Variants in CRADD observed in about 807,000 individuals in gnomAD.
CRADD encodes the protein death domain-containing protein CRADD.
Under a neutral mutation model 15.5 loss-of-function variants are expected in CRADD, and 9 were observed. That is an observed-to-expected ratio of 0.58 (90% CI 0.35 to 1.01). CRADD has a LOEUF of 1.01. Ranked by LOEUF, CRADD falls within the 50% of genes least tolerant of loss-of-function variation. The probability of loss-of-function intolerance (pLI) is 0.02; values close to 1 mark genes in which losing one functional copy is unlikely to be tolerated. For missense variants in CRADD, 227 were observed against 250.3 expected, an observed-to-expected ratio of 0.91 and a Z score of 0.63; for synonymous variants, 118 against 107.6, an observed-to-expected ratio of 1.10 and a Z score of -0.60.
At chr12:93,727,688 AGT>A (rs1417895455) in intron 2 of CRADD, among the ~76,000 whole-genome samples, 1 of 152,192 alleles carries the variant, frequency 6.6e-6, no homozygotes, top group Non-Finnish European at 1.5e-5. Flanking sequence ...GGTGACCCAC[AGT>A]GCTCAGTGCC....
chr12:93,678,412 T>C (rs1290002742), intron 1 of CRADD, among the ~76,000 whole-genome samples: 2 of 152,206 alleles, frequency 1.3e-5, no homozygotes. Context: ...TCCAGCGTGT[T>C]AAAATTAGTG....
chr12:93,758,967 G>T (rs1956920491), intron 2 of CRADD, among the ~76,000 whole-genome samples: 1 of 152,114 alleles, frequency 6.6e-6, no homozygotes, highest in Admixed American at 6.5e-5. Context: ...TGCTTTTGTG[G>T]TATTTTGTCT....
chr12:93,838,220 T>TTG (rs1476083050), intron 2 of CRADD, among the ~76,000 whole-genome samples: 1 of 150,752 alleles, frequency 6.6e-6, no homozygotes, highest in Non-Finnish European at 1.5e-5. Context: ...TGAGGTTTTT[T>TTG]TTTTTTTTTT....
chr12:93,709,027 A>G (rs1397474079), intron 2 of CRADD: 1 of 152,222 alleles, frequency 6.6e-6, no homozygotes, highest in Non-Finnish European at 1.5e-5. Flanking sequence ...TTGTTCATGA[A>G]GGCTCTGCCA....
At chr12:93,770,126 C>T (rs1402489588) in intron 2 of CRADD, among the ~76,000 whole-genome samples, 2 of 137,432 alleles carry the variant, frequency 1.5e-5, no homozygotes, top group Non-Finnish European at 3.1e-5. Context: ...GACGGAGTCT[C>T]GCTCTGTGGC....
intron 2 of CRADD, among the ~76,000 whole-genome samples, chr12:93,893,765 G>A (rs1396397281): frequency 6.6e-6 from 1 of 152,054 alleles, no homozygotes; most frequent in South Asian, 2.1e-4. Context: ...AATTAGCCAG[G>A]CGCGGTAGCA....
chr12:93,789,096 C>T (rs1221535585), intron 2 of CRADD, among the ~76,000 whole-genome samples: 1 of 151,850 alleles, frequency 6.6e-6, no homozygotes, highest in Non-Finnish European at 1.5e-5. Context: ...TTTAATCTCC[C>T]CTGCCCCATC....
intron 2 of CRADD, among the ~76,000 whole-genome samples, chr12:93,800,274 G>A (rs1328547571): frequency 6.6e-6 from 1 of 152,130 alleles, no homozygotes; most frequent in Admixed American, 6.5e-5. Context: ...TCCAAGAAGA[G>A]TGCTGTTGCC....
intron 2 of CRADD, among the ~76,000 whole-genome samples, chr12:93,843,725 T>G (rs924332762): frequency 1.4e-4 from 22 of 151,798 alleles, no homozygotes; most frequent in African/African-American, 5.3e-4. Flanking sequence ...ATGTATTTAT[T>G]TATTTATTTA....
chr12:93,850,822 A>G, downstream of CRADD: 3 of 759,730 alleles, frequency 3.9e-6, no homozygotes, highest in African/African-American at 1.9e-5. This position sits in a 1 kb window ranked among gnomAD's most constrained non-coding sequence, Gnocchi z 4.0. Flanking sequence ...GTGTAAAATT[A>G]CAATAGTCTT....
intron 2 of CRADD, among the ~76,000 whole-genome samples, chr12:93,688,550 A>T (rs1444087729): frequency 1.3e-5 from 2 of 151,926 alleles, no homozygotes; most frequent in Admixed American, 6.6e-5. Flanking sequence ...AACTTCAGAT[A>T]ACATCAGTAA....
At chr12:93,840,900 A>G (rs935916233) in intron 2 of CRADD, among the ~76,000 whole-genome samples, 3 of 152,188 alleles carry the variant, frequency 2.0e-5, no homozygotes, top group Non-Finnish European at 4.4e-5. Context: ...GATCTTATAC[A>G]GTCCAGACAA....
chr12:93,685,007 G>A (rs1203468650), intron 2 of CRADD, among the ~76,000 whole-genome samples: 2 of 152,174 alleles, frequency 1.3e-5, no homozygotes, highest in Admixed American at 6.5e-5. Context: ...TAGTTGATAC[G>A]TGGATGTGGG....
chr12:93,702,132 G>T (rs1955854747), intron 2 of CRADD, among the ~76,000 whole-genome samples: 1 of 152,116 alleles, frequency 6.6e-6, no homozygotes, highest in African/African-American at 2.4e-5. Context: ...AGCCATCACA[G>T]AACCTTTAAA....
chr12:93,734,182 T>TC (rs1219160212), intron 2 of CRADD, among the ~76,000 whole-genome samples: 1 of 152,016 alleles, frequency 6.6e-6, no homozygotes, highest in African/African-American at 2.4e-5. Flanking sequence ...CGTCCATCCA[T>TC]CCATCCATCC....
At chr12:93,854,619 T>C (rs1958256362), downstream of CRADD, among the ~76,000 whole-genome samples, 1 of 152,172 alleles carries the variant, frequency 6.6e-6, no homozygotes, top group Non-Finnish European at 1.5e-5. Flanking sequence ...AAAACAATCT[T>C]TGGCTACTCT....
chr12:93,867,426 G>GATCAATAT (rs1555230488), intron 2 of CRADD, among the ~76,000 whole-genome samples: 1 of 83,672 alleles, frequency 1.2e-5, no homozygotes, highest in Non-Finnish European at 2.8e-5. Context: ...GGAAGTCCAA[G>GATCAATAT]ATCAATATAT....
Position 93,867,403 on chromosome 12 carries a change from A to ATATATATATATATTTT in CRADD, c.299-26646_299-26645insATATATATATATTTTT, listed in dbSNP as rs985334638. Among the ~76,000 whole-genome samples, 3 of 143,426 alleles carry ATATATATATATATTTT rather than the reference A, an allele frequency of 2.1e-5. No individual in the cohort carries two copies. In the East Asian group the frequency reaches 6.3e-4, roughly 30 times the overall value. The allele number at this position is 143,426 out of a possible 152,430, so 94.1% of individuals were successfully genotyped here. A position where few individuals can be genotyped will look rare whatever the true frequency, so the allele number is the denominator to read the frequency against. On this transcript the variant is annotated intron_variant, in intron 2 of 2. Transcript: ENST00000548483. The stretch of plus-strand genomic sequence containing the variant: ...TTGTATTTGACATATATATATATAT[A>ATATATATATATATTTT]TTTTTTAAACTTGGAAGTCCAAGAT...
chr12:93,740,486 A>G (rs1266665692), intron 2 of CRADD, among the ~76,000 whole-genome samples: 1 of 152,102 alleles, frequency 6.6e-6, no homozygotes, highest in Non-Finnish European at 1.5e-5. Context: ...AGATTTACCT[A>G]AGGTTTTGGT....
Sources: allele counts gnomAD v4.1 joint callset (sites outside exome capture counted in the v4.1 genomes callset), GRCh38; gene constraint gnomAD v4.1.1; non-coding constraint Gnocchi (gnomAD v3.1); transcripts MANE v1.5; gene names NCBI Gene and HGNC (gene_info 2026-07-23, HGNC 2026-07-21).